BABAM2: variants seen among roughly 807,000 people sequenced by gnomAD.
BABAM2 encodes BRISC and BRCA1-A complex member 2.
In BABAM2, 31 loss-of-function variants were observed where a neutral mutation model predicts 54.7. The observed-to-expected ratio is 0.57, with a 90% CI of 0.43 to 0.77. The LOEUF (loss-of-function observed/expected upper bound fraction) is 0.77, where lower values mean the gene tolerates loss of function less well. BABAM2 is among the 30% of genes least tolerant of loss of function. The pLI, the probability that BABAM2 is intolerant of heterozygous loss-of-function variation, is 0.00. For synonymous variants in BABAM2, 167 were observed against 162.9 expected (o/e 1.03, Z -0.19); for missense variants, 364 against 455.8 (o/e 0.80, Z 1.83).
chr2:27,889,366 C>T (rs1664651141), upstream of BABAM2, among the ~76,000 whole-genome samples: 1 of 152,134 alleles, frequency 6.6e-6, no homozygotes, highest in Non-Finnish European at 1.5e-5. Flanking sequence ...TGTAGCATAC[C>T]TGATCATTTT....
chr2:28,013,694 T>TACACACACACACACACACACACAC (rs56148921), intron 4 of BABAM2, among the ~76,000 whole-genome samples: 2 of 106,038 alleles, frequency 1.9e-5, no homozygotes, highest in Non-Finnish European at 3.6e-5. Context: ...AAAAAGCTCT[T>TACACACACACACACACACACACAC]ACACACACAC....
chr2:28,120,174 A>G (rs933038175), intron 6 of BABAM2, among the ~76,000 whole-genome samples: 1 of 152,238 alleles, frequency 6.6e-6, no homozygotes, highest in African/African-American at 2.4e-5. Context: ...GTAGACATTA[A>G]AACACATAAA....
At chr2:28,099,569 G>A (rs1666898914) in intron 6 of BABAM2, among the ~76,000 whole-genome samples, 1 of 152,138 alleles carries the variant, frequency 6.6e-6, no homozygotes, top group Non-Finnish European at 1.5e-5. Context: ...TTATTTTAAT[G>A]TGATCTTTTT....
At chr2:28,221,866 C>T (rs1057215897) in intron 7 of BABAM2, among the ~76,000 whole-genome samples, 7 of 152,160 alleles carry the variant, frequency 4.6e-5, no homozygotes, top group Non-Finnish European at 8.8e-5. Context: ...AATGAGCATG[C>T]CTGCAGCTTA....
intron 5 of BABAM2, among the ~76,000 whole-genome samples, chr2:28,037,317 T>C (rs1454405876): frequency 6.6e-6 from 1 of 152,172 alleles, no homozygotes; most frequent in Non-Finnish European, 1.5e-5. Context: ...GTAACGTATA[T>C]TATGCACTGT....
intron 11 of BABAM2, among the ~76,000 whole-genome samples, chr2:28,312,113 A>G (rs977582600): frequency 2.6e-5 from 4 of 152,194 alleles, no homozygotes; most frequent in African/African-American, 4.8e-5. Context: ...CAGGAGGGCC[A>G]AGCCGCTTGT....
chr2:27,927,339 C>T (rs1207467453), intron 2 of BABAM2, among the ~76,000 whole-genome samples: 1 of 152,216 alleles, frequency 6.6e-6, no homozygotes, highest in Non-Finnish European at 1.5e-5. Context: ...TAACTTCAGT[C>T]TTTAAGCTGC....
At chr2:28,116,950 A>G (rs1668666563) in intron 6 of BABAM2, among the ~76,000 whole-genome samples, 1 of 152,258 alleles carries the variant, frequency 6.6e-6, no homozygotes, top group African/African-American at 2.4e-5. Flanking sequence ...ATAAACTGGC[A>G]AAACATTTCA....
At chr2:27,926,633 G>A (rs1432494183) in intron 2 of BABAM2, among the ~76,000 whole-genome samples, 3 of 151,980 alleles carry the variant, frequency 2.0e-5, no homozygotes, top group Admixed American at 6.6e-5. Flanking sequence ...CTTGTTTATC[G>A]TTTTCTTCTT....
chr2:28,016,429 T>G, intron 4 of BABAM2: 2 of 1,403,416 alleles, frequency 1.4e-6, no homozygotes, highest in Non-Finnish European at 2.0e-6. Context: ...GACCCCTTGA[T>G]CTCGCCATTG....
At chr2:27,984,036 A>AT (rs1232608614) in intron 3 of BABAM2, among the ~76,000 whole-genome samples, 3 of 139,868 alleles carry the variant, frequency 2.1e-5, no homozygotes, top group African/African-American at 5.4e-5. Flanking sequence ...CTTTAAGTAG[A>AT]TTTTTTCAAT....
At chr2:28,147,122 A>G (rs1671563518) in intron 7 of BABAM2, among the ~76,000 whole-genome samples, 1 of 152,202 alleles carries the variant, frequency 6.6e-6, no homozygotes, top group South Asian at 2.1e-4. Context: ...AGTGAAAAGC[A>G]GGCCTACGTA....
intron 2 of BABAM2, among the ~76,000 whole-genome samples, chr2:27,917,402 G>A (rs1667058936): frequency 6.6e-6 from 1 of 152,158 alleles, no homozygotes; most frequent in African/African-American, 2.4e-5. Context: ...TTTATAAACA[G>A]CAGAAGTTTA....
chr2:28,067,950 T>C (rs1315146103), intron 6 of BABAM2, among the ~76,000 whole-genome samples: 1 of 152,212 alleles, frequency 6.6e-6, no homozygotes, highest in Non-Finnish European at 1.5e-5. Context: ...AATTTCTTTT[T>C]AAAGAAAAAA....
intron 7 of BABAM2, among the ~76,000 whole-genome samples, chr2:28,129,847 A>T (rs990549525): frequency 6.6e-6 from 1 of 152,266 alleles, no homozygotes; most frequent in Admixed American, 6.5e-5. Flanking sequence ...GCTTAAAAAG[A>T]TAACATGTTT....
At chr2:28,250,318 C>CT (rs35545683) in intron 10 of BABAM2, among the ~76,000 whole-genome samples, 88,438 of 118,750 alleles carry the variant, frequency 0.74, 33,862 homozygotes, top group East Asian at 0.98. Flanking sequence ...ATTTGTTGAA[C>CT]TTTTTTTTTT....
intron 6 of BABAM2, among the ~76,000 whole-genome samples, chr2:28,050,730 T>C (rs2148620481): frequency 6.6e-6 from 1 of 152,222 alleles, no homozygotes; most frequent in East Asian, 1.9e-4. Flanking sequence ...AAGAATAAAA[T>C]TGTTATGGAT....
chr2:27,939,532 C>T (rs925535860), intron 3 of BABAM2, among the ~76,000 whole-genome samples: 1 of 152,178 alleles, frequency 6.6e-6, no homozygotes, highest in Non-Finnish European at 1.5e-5. Context: ...TCTGTTGTAT[C>T]AGCCTTTTGC....
chr2:28,065,906 C>T (rs1458756748), intron 6 of BABAM2, among the ~76,000 whole-genome samples: 4 of 150,018 alleles, frequency 2.7e-5, no homozygotes, highest in Admixed American at 6.7e-5. Context: ...TTTGGGAGGC[C>T]GAGGCAGGCG....
Sources: allele counts gnomAD v4.1 joint callset (sites outside exome capture counted in the v4.1 genomes callset), GRCh38; gene constraint gnomAD v4.1.1; transcripts MANE v1.5; gene names NCBI Gene and HGNC (gene_info 2026-07-23, HGNC 2026-07-21).